CMTM4: variants seen among roughly 807,000 people sequenced by gnomAD.
The protein encoded by CMTM4 is CKLF-like MARVEL transmembrane domain-containing protein 4.
In CMTM4, 8 loss-of-function variants were observed where a neutral mutation model predicts 19.0. The observed-to-expected ratio is 0.42, with a 90% CI of 0.25 to 0.76. The LOEUF (loss-of-function observed/expected upper bound fraction) is 0.76. Ranked by LOEUF, CMTM4 falls within the 30% of genes least tolerant of loss-of-function variation. The pLI is 0.27. For synonymous variants in CMTM4, 106 were observed against 121.1 expected, an observed-to-expected ratio of 0.88 and a Z score of 0.82; for missense variants, 228 against 290.2, an observed-to-expected ratio of 0.79 and a Z score of 1.56.
chr16:66,675,398 A>C (rs1334015440), intron 1 of CMTM4, among the ~76,000 whole-genome samples: 1 of 151,684 alleles, frequency 6.6e-6, no homozygotes, highest in Non-Finnish European at 1.5e-5. Flanking sequence ...AATTTTAACA[A>C]AAATTTTTTC....
chr16:66,605,076 C>T, the CMTM4 span: 24 of 907,388 alleles, frequency 2.6e-5, no homozygotes, highest in Admixed American at 8.8e-5. The surrounding 1 kb of genome is among the most constrained non-coding windows in gnomAD (Gnocchi z 4.6). Context: ...CTCCGCGCCG[C>T]CTCGGCCGAC....
chr16:66,600,184 C>T, the CMTM4 span, among the ~76,000 whole-genome samples: 1 of 143,600 alleles, frequency 7.0e-6, no homozygotes, highest in Admixed American at 7.2e-5. Flanking sequence ...CCTCTGTCAC[C>T]CAGGCTGGAG....
chr16:66,620,973 G>A lies in CMTM4; in HGVS notation c.*1085C>T. On this transcript the variant is annotated 3_prime_UTR_variant, in exon 4 of 4. Transcript: ENST00000394106. ...ACAACTCCCAAGAATGATGTCTACAGTTATGACACTGAGGCGCCCAAAGCG... is the reference window on the plus strand; with the variant it reads ...ACAACTCCCAAGAATGATGTCTACAATTATGACACTGAGGCGCCCAAAGCG... 1 of 985,880 alleles carries A rather than the reference G, an allele frequency of 1.0e-6. No homozygotes were observed. The highest frequency in any genetic ancestry group is 1.2e-6 in the Non-Finnish European group (1 of 829,944). 61.1% of individuals were successfully genotyped at this position (985,880 alleles called of 1,614,324 possible).
intron 1 of CMTM4, among the ~76,000 whole-genome samples, chr16:66,671,006 C>T (rs1279620762): frequency 8.5e-5 from 13 of 152,140 alleles, no homozygotes; most frequent in African/African-American, 3.1e-4. Context: ...TATTTTTCTA[C>T]ATCAGTCTGA....
At chr16:66,626,990 C>T (rs547208582) in intron 2 of CMTM4, among the ~76,000 whole-genome samples, 32 of 152,052 alleles carry the variant, frequency 2.1e-4, no homozygotes, top group Non-Finnish European at 2.9e-5. Flanking sequence ...GTAGTCCCAG[C>T]TACTTGGAAG....
chr16:66,614,067 T>C (rs2015480278), downstream of CMTM4, among the ~76,000 whole-genome samples: 1 of 152,232 alleles, frequency 6.6e-6, no homozygotes, highest in Non-Finnish European at 1.5e-5. The surrounding 1 kb of genome is among the most constrained non-coding windows in gnomAD (Gnocchi z 4.9). Context: ...GCACACAACC[T>C]AGATCCGTAG....
intron 1 of CMTM4, among the ~76,000 whole-genome samples, chr16:66,693,959 T>C (rs1596971029): frequency 1.3e-5 from 2 of 151,492 alleles, no homozygotes; most frequent in South Asian, 2.1e-4. Context: ...GTGGCGGAGG[T>C]TGCAGTGAGC....
chr16:66,652,179 T>C (rs975754176), intron 1 of CMTM4, among the ~76,000 whole-genome samples: 3 of 151,898 alleles, frequency 2.0e-5, no homozygotes, highest in Non-Finnish European at 4.4e-5. Flanking sequence ...AAAGGAGAAA[T>C]GGGGTCAAAG....
the CMTM4 span, chr16:66,604,978 C>T: frequency 6.8e-7 from 1 of 1,468,828 alleles, no homozygotes; most frequent in South Asian, 1.3e-5. Context: ...CCCTCGGCCG[C>T]CCCGCTAGGA....
At chr16:66,636,965 T>A (rs995179158) in intron 1 of CMTM4, among the ~76,000 whole-genome samples, 1 of 152,182 alleles carries the variant, frequency 6.6e-6, no homozygotes, top group Non-Finnish European at 1.5e-5. Context: ...TTCTAATTCA[T>A]GGTCTCTACC....
chr16:66,638,490 GA>G (rs1478354073), intron 1 of CMTM4, among the ~76,000 whole-genome samples: 1 of 152,198 alleles, frequency 6.6e-6, no homozygotes, highest in Non-Finnish European at 1.5e-5. Context: ...AGTTAGACAG[GA>G]AGAATAAGTT....
chr16:66,614,533 GAA>G (rs2015489619), downstream of CMTM4, among the ~76,000 whole-genome samples: 1 of 152,232 alleles, frequency 6.6e-6, no homozygotes, highest in Admixed American at 6.5e-5. This position sits in a 1 kb window ranked among gnomAD's most constrained non-coding sequence, Gnocchi z 4.9. Flanking sequence ...AAATGGGTAA[GAA>G]AGCTGGGTGT....
At chr16:66,646,276 G>C (rs184050399) in intron 1 of CMTM4, among the ~76,000 whole-genome samples, 1 of 152,088 alleles carries the variant, frequency 6.6e-6, no homozygotes, top group Non-Finnish European at 1.5e-5. Context: ...GGATTAGGTG[G>C]GGAACAGGGG....
At chr16:66,657,085 A>ATTTT (rs35197723) in intron 1 of CMTM4, among the ~76,000 whole-genome samples, 41 of 139,176 alleles carry the variant, frequency 2.9e-4, no homozygotes, top group African/African-American at 9.6e-4. Context: ...TAATTTCCTG[A>ATTTT]TTTTTTTTTT....
At chr16:66,626,286 T>A (rs1485917547) in intron 2 of CMTM4, among the ~76,000 whole-genome samples, 1 of 151,860 alleles carries the variant, frequency 6.6e-6, no homozygotes, top group Non-Finnish European at 1.5e-5. Context: ...AATACAAAAA[T>A]TAGCTGGACC....
Position 66,630,016 on chromosome 16 carries a change from C to G in CMTM4, c.363+6389G>C, listed in dbSNP as rs546032284. Among the ~76,000 whole-genome samples the G allele has an allele frequency of 3.2e-3, 489 of 152,238 alleles. 1 individual carries two copies. The highest frequency in any genetic ancestry group is 0.011 in the African/African-American group (458 of 41,534). ...CCTTCCTGAGTCCTGTGAGTCACTG[C>G]AGAAAATGACTGAACCTGAGGGGTG... On this transcript the variant is annotated intron_variant, in intron 2 of 3. Transcript: ENST00000394106.
downstream of CMTM4, chr16:66,609,760 G>T: frequency 6.3e-7 from 1 of 1,596,618 alleles, no homozygotes; most frequent in Non-Finnish European, 8.5e-7. The surrounding 1 kb of genome is among the most constrained non-coding windows in gnomAD (Gnocchi z 4.4). Context: ...TACTCACAGG[G>T]GTCTGTGCCT....
At chr16:66,629,508 G>A (rs1283797519) in intron 2 of CMTM4, among the ~76,000 whole-genome samples, 5 of 152,192 alleles carry the variant, frequency 3.3e-5, no homozygotes, top group African/African-American at 1.2e-4. Context: ...CAGAAAGAAT[G>A]AGTGTGCTAT....
rs894330954 is a variant in CMTM4 at position 66,615,569 on chromosome 16, A to C, written c.*6489T>G. On this transcript the variant is annotated 3_prime_UTR_variant, in exon 4 of 4. Transcript: ENST00000394106. This position sits in a 1 kb window ranked among gnomAD's most constrained non-coding sequence, Gnocchi z 4.9. ...CTAGCCAGAGCATCCACAACGAACC[A>C]ATCTGAGATCCGAGTGGAAGATGAG... 6 of 152,402 alleles carry C rather than the reference A, an allele frequency of 3.9e-5. No homozygotes were observed. Among genetic ancestry groups the C allele is most frequent in the Admixed American group, 3.3e-4 (5 of 15,300 alleles). 9.4% of individuals were successfully genotyped at this position (152,402 alleles called of 1,614,324 possible).
Sources: gnomAD v4.1 joint callset for allele counts (sites outside exome capture counted in the v4.1 genomes callset) on GRCh38, gnomAD v4.1.1 for gene constraint, Gnocchi (gnomAD v3.1) non-coding constraint, MANE v1.5 for transcripts, NCBI Gene and HGNC (gene_info 2026-07-23, HGNC 2026-07-21) for gene names.